The following SESTD1 variants were observed in gnomAD, a reference collection of about 807,000 sequenced individuals.
SESTD1 encodes SEC14 and spectrin domain containing 1.
SESTD1 carries 43 observed loss-of-function variants against 101.7 expected under a neutral mutation model. That is an observed-to-expected ratio of 0.42 (90% CI 0.33 to 0.55). SESTD1 has a LOEUF of 0.55. SESTD1 is among the 20% of genes least tolerant of loss of function. SESTD1 has a pLI of 0.07. For synonymous variants in SESTD1, 283 were observed against 286.8 expected (o/e 0.99, Z 0.13); for missense variants, 647 against 815.1 (o/e 0.79, Z 2.51).
intron 1 of SESTD1, among the ~76,000 whole-genome samples, chr2:179,205,995 T>C (rs1397609226): frequency 7.4e-6 from 1 of 134,918 alleles, no homozygotes; most frequent in African/African-American, 2.9e-5. Context: ...ACAAAAATCT[T>C]TCTCTTTCTG....
intron 3 of SESTD1, among the ~76,000 whole-genome samples, 187 bp downstream of exon 3, chr2:179,182,893 T>C (rs1453748392): frequency 6.6e-6 from 1 of 152,062 alleles, no homozygotes; most frequent in Non-Finnish European, 1.5e-5. Context: ...CTTAAATTCA[T>C]CAAGAGCATA....
chr2:179,125,440 C>G (rs1001044725), intron 10 of SESTD1, among the ~76,000 whole-genome samples: 5 of 152,316 alleles, frequency 3.3e-5, no homozygotes, highest in East Asian at 1.9e-4. Context: ...AACCTGAGAT[C>G]TGTTTTCTCT....
At chr2:179,180,270 T>C (rs1043313996) in intron 3 of SESTD1, among the ~76,000 whole-genome samples, 1 of 152,220 alleles carries the variant, frequency 6.6e-6, no homozygotes, top group African/African-American at 2.4e-5. Flanking sequence ...TAATTTCTTT[T>C]TATTTTTGCA....
intron 9 of SESTD1, among the ~76,000 whole-genome samples, chr2:179,137,545 A>G (rs1383454546): frequency 1.3e-5 from 2 of 152,224 alleles, no homozygotes; most frequent in African/African-American, 4.8e-5. Flanking sequence ...TACTGCCACA[A>G]TAAATAATGA....
At chr2:179,161,668 A>C (rs1254356634) in intron 5 of SESTD1, among the ~76,000 whole-genome samples, 2 of 152,192 alleles carry the variant, frequency 1.3e-5, no homozygotes, top group African/African-American at 2.4e-5. Context: ...CTCAAAAAAA[A>C]AAAAAAAGGT....
intron 13 of SESTD1, among the ~76,000 whole-genome samples, chr2:179,120,111 C>T (rs1037227959): frequency 2.0e-5 from 3 of 152,088 alleles, no homozygotes; most frequent in Admixed American, 2.0e-4. Context: ...CGCCTATAGT[C>T]CCAGCTACTC....
At chr2:179,153,640 A>G (rs1041056592) in intron 5 of SESTD1, among the ~76,000 whole-genome samples, 2 of 152,202 alleles carry the variant, frequency 1.3e-5, no homozygotes, top group Admixed American at 1.3e-4. Context: ...TTCTCATAAA[A>G]AAGAATCAGG....
chr2:179,112,585 A>T, intron 17 of SESTD1, 139 bp downstream of exon 17: 1 of 1,036,272 alleles, frequency 9.6e-7, no homozygotes, highest in Non-Finnish European at 1.3e-6. Flanking sequence ...TTTTCATTTT[A>T]AACTAATTCA....
chr2:179,230,197 G>A (rs2046966463), intron 1 of SESTD1, among the ~76,000 whole-genome samples: 1 of 128,036 alleles, frequency 7.8e-6, no homozygotes, highest in Non-Finnish European at 1.6e-5. Context: ...GCGGTAGCGC[G>A]ATCTCAGCTC....
At chr2:179,233,933 A>G (rs2047022782) in intron 1 of SESTD1, among the ~76,000 whole-genome samples, 1 of 152,120 alleles carries the variant, frequency 6.6e-6, no homozygotes, top group African/African-American at 2.4e-5. Flanking sequence ...TAATTTCAGT[A>G]ATTTCAGGTG....
At chr2:179,159,575 A>T (rs2045695052) in intron 5 of SESTD1, among the ~76,000 whole-genome samples, 1 of 152,250 alleles carries the variant, frequency 6.6e-6, no homozygotes, top group Non-Finnish European at 1.5e-5. Flanking sequence ...AAAACAGAGA[A>T]AACTGACACA....
At chr2:179,217,074 C>G (rs1467885363) in intron 1 of SESTD1, among the ~76,000 whole-genome samples, 2 of 151,976 alleles carry the variant, frequency 1.3e-5, no homozygotes, top group East Asian at 3.9e-4. Flanking sequence ...TAGGCATGGG[C>G]AAGGACTTCA....
chr2:179,119,809 T>C (rs989311551), intron 13 of SESTD1, among the ~76,000 whole-genome samples: 1 of 152,126 alleles, frequency 6.6e-6, no homozygotes, highest in Non-Finnish European at 1.5e-5. Flanking sequence ...TCTTTCTCCA[T>C]CCAAGTAAGA....
At chr2:179,111,209 C>T (rs1310157687) in intron 17 of SESTD1, among the ~76,000 whole-genome samples, 1 of 152,172 alleles carries the variant, frequency 6.6e-6, no homozygotes, top group Non-Finnish European at 1.5e-5. Flanking sequence ...CTTTAGGTGA[C>T]TTTAGGCTAC....
Position 179,108,695 on chromosome 2 carries a change from T to G in SESTD1, c.*1204A>C, listed in dbSNP as rs2044441997. ...TATAATTTTGTAATGACTACAAGACTAAAAAATAATTTTTAATATTTTAAA... is the reference window on the plus strand; with the variant it reads ...TATAATTTTGTAATGACTACAAGACGAAAAAATAATTTTTAATATTTTAAA... On this transcript the variant is annotated 3_prime_UTR_variant, in exon 18 of 18. Coordinates refer to ENST00000428443, the MANE Select transcript of SESTD1 (RefSeq NM_178123.5). 2.0e-5 allele frequency: 3 copies of G among 152,092 alleles called. No homozygotes were observed. The South Asian group carries it at 6.2e-4, about 32-fold the overall frequency. The allele number at this position is 152,092 out of a possible 1,614,324, so 9.4% of individuals were successfully genotyped here.
rs111209226 is a variant in SESTD1 at position 179,185,830 on chromosome 2, T to C, written c.56-2642A>G. On this transcript the variant is annotated intron_variant, in intron 2 of 17. Transcript: ENST00000428443. ...CATATACAATATAGTATATTATATA[T>C]AATATATAATATAGCATGTACAATA... 2.6e-3 allele frequency among the ~76,000 whole-genome samples: 335 copies of C among 128,126 alleles called. 1 individual carries two copies. Among genetic ancestry groups the C allele is most frequent in the Non-Finnish European group, 3.4e-3 (215 of 62,942 alleles). The allele number at this position is 128,126 out of a possible 152,430, so 84.1% of individuals were successfully genotyped here. A position where few individuals can be genotyped will look rare whatever the true frequency, so the allele number is the denominator to read the frequency against.
intron 3 of SESTD1, among the ~76,000 whole-genome samples, chr2:179,181,277 G>A (rs768730484): frequency 3.9e-5 from 6 of 152,234 alleles, no homozygotes; most frequent in East Asian, 1.9e-4. Context: ...CCAGTGCCTC[G>A]GACAGGTGAG....
intron 11 of SESTD1, among the ~76,000 whole-genome samples, chr2:179,124,068 A>G (rs2044814063): frequency 1.3e-5 from 2 of 152,194 alleles, no homozygotes; most frequent in Admixed American, 1.3e-4. Flanking sequence ...AAGTATTGAG[A>G]CTTCCATTTC....
At chr2:179,183,902 G>GAGGT (rs1191733837) in intron 2 of SESTD1, among the ~76,000 whole-genome samples, 1 of 150,090 alleles carries the variant, frequency 6.7e-6, no homozygotes, top group African/African-American at 2.4e-5. Context: ...ACGAGGAAGG[G>GAGGT]AGGTAGGGAG....
Sources: gnomAD v4.1 joint callset for allele counts (sites outside exome capture counted in the v4.1 genomes callset) on GRCh38, gnomAD v4.1.1 for gene constraint, MANE v1.5 for transcripts, NCBI Gene and HGNC (gene_info 2026-07-23, HGNC 2026-07-21) for gene names.